The following FCRL6 variants were observed in gnomAD, a reference collection of about 807,000 sequenced individuals.
FCRL6 encodes the protein Fc receptor-like protein 6.
A neutral mutation model predicts 49.1 loss-of-function variants in FCRL6; 50 were observed. The ratio of observed to expected loss-of-function variants is 1.02; its 90% confidence interval spans 0.81 to 1.29. FCRL6 has a LOEUF of 1.29. Ranked by LOEUF, FCRL6 falls within the 50% of genes most tolerant of loss-of-function variation. The pLI, the probability that FCRL6 is intolerant of heterozygous loss-of-function variation, is 0.00. For synonymous variants in FCRL6, 213 were observed against 199.6 expected (o/e 1.07, Z -0.57); for missense variants, 571 against 518.5 (o/e 1.10, Z -0.98).
chr1:159,815,413 A>C lies in FCRL6; in HGVS notation c.1148-15A>C, dbSNP rs530089068. 1.4e-5 allele frequency: 22 copies of C among 1,613,396 alleles called. No individual in the cohort carries two copies. The East Asian group carries it at 3.8e-4, about 28-fold the overall frequency. On this transcript the variant is annotated splice_polypyrimidine_tract_variant and intron_variant, in intron 8 of 9. Transcript: ENST00000368106. ...GAGCACAGAGACCTGACCTGAGCTC[A>C]TTCTTTCCCCACAGCCAGGTCTGCT...
Position 159,808,985 on chromosome 1 carries a change from G to C in FCRL6, c.344G>C (p.Ser115Thr). 6.2e-7 allele frequency: 1 copy of C among 1,612,472 alleles called. No individual in the cohort carries two copies. The highest frequency in any genetic ancestry group is 1.1e-5 in the South Asian group (1 of 90,852). ...GAGCTGTTTCCACCTCCTGTGCTGAGTGCCATCCCCTCTCCTGAGCCCCGA... is the reference window on the plus strand; with the variant it reads ...GAGCTGTTTCCACCTCCTGTGCTGACTGCCATCCCCTCTCCTGAGCCCCGA... ...VQELFPPPVL[S>T]AIPSPEPREG... The change falls in exon 4 of 10, where the codon AGT becomes ACT. Residue 115 changes from serine to threonine, a missense_variant. Transcript: ENST00000368106.
intron 1 of FCRL6, among the ~76,000 whole-genome samples, chr1:159,805,869 C>CT (rs1662642534): frequency 6.6e-6 from 1 of 152,202 alleles, no homozygotes; most frequent in African/African-American, 2.4e-5. Flanking sequence ...CCTGCCCTTG[C>CT]TATATGGGTT....
At chr1:159,802,160 T>C (rs896259345), upstream of FCRL6, 2 of 429,910 alleles carry the variant, frequency 4.7e-6, no homozygotes, top group African/African-American at 2.0e-5. Context: ...GCAGAAAATG[T>C]CAGGGATTTA....
At position 159,806,461 on chromosome 1, in the gene FCRL6, A is replaced by G; in HGVS notation, c.32-135A>G. Reference sequence around the variant, plus strand: ...GTTGGATGGTTGGATGGCTGTGTGGATGGGTGGCTAGGAGGTTTGGTGGCC... The same window carrying G: ...GTTGGATGGTTGGATGGCTGTGTGGGTGGGTGGCTAGGAGGTTTGGTGGCC... On this transcript the variant is annotated intron_variant, in intron 1 of 9. Transcript: ENST00000368106. The G allele has an allele frequency of 1.5e-5, 12 of 782,058 alleles. 1 individual carries two copies. In the South Asian group the frequency reaches 1.7e-4, roughly 11 times the overall value. 48.4% of individuals were successfully genotyped at this position (782,058 alleles called of 1,614,324 possible). A position where few individuals can be genotyped will look rare whatever the true frequency, so the allele number is the denominator to read the frequency against.
At chr1:159,807,922 A>G (rs1225983669) in intron 2 of FCRL6, among the ~76,000 whole-genome samples, 1 of 151,742 alleles carries the variant, frequency 6.6e-6, no homozygotes, top group Non-Finnish European at 1.5e-5. Flanking sequence ...GGGAGAGGAA[A>G]GAAGGGGAGG....
At chr1:159,810,314 T>C in intron 6 of FCRL6, 98 bp downstream of exon 6, 1 of 1,433,686 alleles carries the variant, frequency 7.0e-7, no homozygotes, top group South Asian at 1.4e-5. Context: ...AGCCACTCTC[T>C]TCTCCTGGGT....
Position 159,814,359 on chromosome 1 carries a change from C to A in FCRL6, c.1147+67C>A, listed in dbSNP as rs1663264778. On this transcript the variant is annotated intron_variant, in intron 8 of 9. Transcript: ENST00000368106. ...AGTTTTGGACCTACAATGAGAGTAT[C>A]ACTACCACTGTCATTACCACTTTTA... 6 of 1,132,588 alleles carry A rather than the reference C, an allele frequency of 5.3e-6. 1 individual carries two copies. In the South Asian group the frequency reaches 7.5e-5, roughly 14 times the overall value. The allele number at this position is 1,132,588 out of a possible 1,614,324, so 70.2% of individuals were successfully genotyped here.
intron 1 of FCRL6, 87 bp from the exon 2 acceptor site, chr1:159,806,509 A>T: frequency 8.5e-7 from 1 of 1,183,342 alleles, no homozygotes; most frequent in Non-Finnish European, 1.3e-6. Context: ...GAATGGGTGT[A>T]AGTCCCCATT....
At chr1:159,809,971 A>G in intron 5 of FCRL6, 123 bp from the exon 6 acceptor site, 1 of 1,239,050 alleles carries the variant, frequency 8.1e-7, no homozygotes, top group Admixed American at 2.2e-5. Context: ...CCCATCTATG[A>G]GGCTCCCCCA....
chr1:159,800,668 T>G, upstream of FCRL6: 1 of 1,492,570 alleles, frequency 6.7e-7, no homozygotes, highest in South Asian at 1.2e-5. Flanking sequence ...TTTTCCCTCT[T>G]TCCTAAACAA....
chr1:159,809,034 A>G lies in FCRL6; in HGVS notation c.393A>G (p.Arg131=), dbSNP rs1662902522. 1.2e-6 allele frequency: 2 copies of G among 1,613,778 alleles called. No homozygotes were observed. Among genetic ancestry groups the G allele is most frequent in the Non-Finnish European group, 1.7e-6 (2 of 1,179,906 alleles). Residue 131 remains arginine (R), a synonymous_variant, in exon 4 of 10, where the codon AGA becomes AGG. Transcript: ENST00000368106. The part of the protein sequence containing the change: ...EPREGSLVTL[R]CQTKLHPLRS... ...GAGAGGGTAGCCTGGTGACCCTGAG[A>G]TGTCAGACAAAGCTGCACCCCCTGA...
In FCRL6 at chr1:159,805,330, GT is replaced by G. The variant is rs1308502600; in HGVS notation, c.32-1262del. On this transcript the variant is annotated intron_variant, in intron 1 of 9. Transcript: ENST00000368106. ...AGAGCCAAACATCTGCTCTTAGAGG[GT>G]TTTCACCCACCCTTCCCAAGGCCAT... 2.6e-5 allele frequency among the ~76,000 whole-genome samples: 4 copies of G among 151,876 alleles called. No individual in the cohort carries two copies. The East Asian group carries it at 5.8e-4, about 22-fold the overall frequency.
At chr1:159,802,512 C>A in intron 1 of FCRL6, 57 bp downstream of exon 1, 2 of 1,481,840 alleles carry the variant, frequency 1.3e-6, no homozygotes, top group South Asian at 1.2e-5. Context: ...TAAGTCATCC[C>A]TGAGACACCA....
At chr1:159,801,681 T>A (rs1382891226), upstream of FCRL6, among the ~76,000 whole-genome samples, 2 of 152,238 alleles carry the variant, frequency 1.3e-5, no homozygotes, top group African/African-American at 4.8e-5. Context: ...CAGAAATTCT[T>A]ATATTTCTTC....
rs768478204 is a variant in FCRL6, at chr1:159,802,395, T to A, written c.-30T>A. 21 of 1,613,376 alleles carry A rather than the reference T, an allele frequency of 1.3e-5. No individual in the cohort carries two copies. The highest frequency in any genetic ancestry group is 5.0e-5 in the Admixed American group (3 of 59,954). ...TTCGCCCTGACCTGTTTCTGACCTG[T>A]GTTCCCTCCGCTGTGCCAGAACAGG... On this transcript the variant is annotated 5_prime_UTR_variant, in exon 1 of 10. Transcript: ENST00000368106.
chr1:159,805,029 G>T (rs1662586072), intron 1 of FCRL6, among the ~76,000 whole-genome samples: 1 of 152,312 alleles, frequency 6.6e-6, no homozygotes, highest in Middle Eastern at 3.4e-3. Flanking sequence ...GAAGGCTCTT[G>T]GAACTTAGAC....
chr1:159,812,908 C>T (rs1351846317), intron 6 of FCRL6, among the ~76,000 whole-genome samples: 1 of 152,198 alleles, frequency 6.6e-6, no homozygotes, highest in African/African-American at 2.4e-5. Flanking sequence ...AAAAGGCATG[C>T]AAACCTGGAT....
Position 159,815,570 on chromosome 1 carries a change from T to C in FCRL6, c.1214T>C (p.Leu405Pro). ...SSIICAEVRC[L>P]QPSEVSSTEV... ...ATCATCTGTGCGGAGGTGAGATGCC[T>C]GCAGCCCAGTGAGGTTTCATCCACG... is the stretch of plus-strand genomic sequence containing the variant. The change falls in exon 10 of 10, where the codon CTG becomes CCG. Residue 405 changes from leucine (L) to proline (P), a missense_variant. Physicochemically the swap from Leu to Pro is moderately conservative, Grantham distance 98 (BLOSUM62 -3). Transcript: ENST00000368106. The C allele has an allele frequency of 6.2e-7, 1 of 1,614,194 alleles. No individual in the cohort carries two copies. Among genetic ancestry groups the C allele is most frequent in the Non-Finnish European group, 8.5e-7 (1 of 1,180,022 alleles).
chr1:159,813,699 C>A (rs1288625373), intron 7 of FCRL6, 145 bp downstream of exon 7: 2 of 703,930 alleles, frequency 2.8e-6, no homozygotes, highest in African/African-American at 1.8e-5. Context: ...CTAGAAAGGG[C>A]ATGAAGAGGG....
Sources: gnomAD v4.1 joint callset for allele counts (sites outside exome capture counted in the v4.1 genomes callset) on GRCh38, gnomAD v4.1.1 for gene constraint, MANE v1.5 for transcripts, NCBI Gene and HGNC (gene_info 2026-07-23, HGNC 2026-07-21) for gene names.